DERA: variants seen among roughly 807,000 people sequenced by gnomAD.
DERA encodes the protein deoxyribose-phosphate aldolase.
Under a neutral mutation model 41.1 loss-of-function variants are expected in DERA, and 15 were observed. The ratio of observed to expected loss-of-function variants is 0.37; its 90% CI spans 0.24 to 0.56. The LOEUF (loss-of-function observed/expected upper bound fraction) is 0.56, where lower values mean the gene tolerates loss of function less well. Ranked by LOEUF, DERA falls within the 20% of genes least tolerant of loss-of-function variation. The probability of loss-of-function intolerance (pLI) is 0.81; values close to 1 mark genes in which losing one functional copy is unlikely to be tolerated. For missense variants in DERA, 396 were observed against 403.4 expected (o/e 0.98, Z 0.16); for synonymous variants, 139 against 137.4 (o/e 1.01, Z -0.08).
rs553926060 is a variant in DERA at position 15,938,618 on chromosome 12, A to G, written c.32-18318A>G. ...TTAAAATTGAGAAAATATTTTCTCT[A>G]TAAGTGTTGAGATACTTGGTAAATT... On this transcript the variant is annotated intron_variant, in intron 1 of 8. Coordinates refer to ENST00000428559, the MANE Select transcript of DERA (RefSeq NM_015954.4). The surrounding 1 kb of genome is among the most constrained non-coding windows in gnomAD (Gnocchi z 4.1). 1.6e-4 allele frequency among the ~76,000 whole-genome samples: 24 copies of G among 152,328 alleles called. No individual in the cohort carries two copies. Among genetic ancestry groups the G allele is most frequent in the East Asian group, 1.9e-4 (1 of 5,182 alleles).
rs951942857 is a variant in DERA at position 15,982,299 on chromosome 12, C to T, written c.509-9C>T. 1.2e-6 allele frequency: 2 copies of T among 1,603,768 alleles called. No individual in the cohort carries two copies. The highest frequency in any genetic ancestry group is 1.8e-5 in the Admixed American group (1 of 56,924). On this transcript the variant is annotated splice_polypyrimidine_tract_variant and intron_variant, in intron 5 of 8. Transcript: ENST00000428559. The surrounding 1 kb of genome is among the most constrained non-coding windows in gnomAD (Gnocchi z 4.0). ...GCTTTGTAACTGCCTCAATTATTTT[C>T]TTCCCCAGCCCTGTATGATGAGATT...
chr12:15,985,777 T>C lies in DERA; in HGVS notation c.637+3341T>C, dbSNP rs1239774649. Among the ~76,000 whole-genome samples, 1 of 152,184 alleles carries C rather than the reference T, an allele frequency of 6.6e-6. No individual in the cohort carries two copies. Among genetic ancestry groups the C allele is most frequent in the African/African-American group, 2.4e-5 (1 of 41,454 alleles). On this transcript the variant is annotated intron_variant, in intron 6 of 8. Transcript: ENST00000428559. This position sits in a 1 kb window ranked among gnomAD's most constrained non-coding sequence, Gnocchi z 4.2. ...TTTTGTCTTTTGGAATTAACAGTTA[T>C]TTTGTAGCTCATTTTATGGTTGTAT... is the stretch of plus-strand genomic sequence containing the variant.
At position 16,026,594 on chromosome 12, in the gene DERA, AC is replaced by A. The variant is rs201344998; in HGVS notation, c.638-5947del. On this transcript the variant is annotated intron_variant, in intron 6 of 8. Coordinates refer to ENST00000428559, the MANE Select transcript of DERA (RefSeq NM_015954.4). This position sits in a 1 kb window ranked among gnomAD's most constrained non-coding sequence, Gnocchi z 4.4. ...TTACATAAATTGTAAATATATTTACACATTTATGTAAATATATAACATATTT... is the reference window on the plus strand; with the variant it reads ...TTACATAAATTGTAAATATATTTACAATTTATGTAAATATATAACATATTT... Among the ~76,000 whole-genome samples the A allele has an allele frequency of 6.7e-3, 1,012 of 150,266 alleles. 10 individuals carry two copies. The highest frequency in any genetic ancestry group is 0.042 in the East Asian group (218 of 5,168).
At chr12:15,939,919 C>T (rs1025486174) in intron 1 of DERA, among the ~76,000 whole-genome samples, 3 of 152,158 alleles carry the variant, frequency 2.0e-5, no homozygotes, top group Non-Finnish European at 4.4e-5. Flanking sequence ...TTGGCAATGA[C>T]AGCTTTTACT....
chr12:15,992,715 G>A lies in DERA; in HGVS notation c.637+10279G>A, dbSNP rs571801024. On this transcript the variant is annotated intron_variant, in intron 6 of 8. Transcript: ENST00000428559. This position sits in a 1 kb window ranked among gnomAD's most constrained non-coding sequence, Gnocchi z 4.3. ...TTACAGAAAAGAGAAGTGTAAAGCA[G>A]GTCAATCTACTGCTAAGGGATTTCA... Among the ~76,000 whole-genome samples the A allele has an allele frequency of 6.6e-6, 1 of 152,260 alleles. No homozygotes were observed. Among genetic ancestry groups the A allele is most frequent in the South Asian group, 2.1e-4 (1 of 4,822 alleles).
chr12:16,030,219 A>C (rs919415862), intron 6 of DERA, among the ~76,000 whole-genome samples: 3 of 151,690 alleles, frequency 2.0e-5, no homozygotes, highest in Non-Finnish European at 4.4e-5. Context: ...GTTGTGAGCC[A>C]CCACGTCCAG....
Position 16,021,932 on chromosome 12 carries a change from T to G in DERA, c.638-10610T>G, listed in dbSNP as rs1338021038. On this transcript the variant is annotated intron_variant, in intron 6 of 8. Coordinates refer to ENST00000428559, the MANE Select transcript of DERA (RefSeq NM_015954.4). This position sits in a 1 kb window ranked among gnomAD's most constrained non-coding sequence, Gnocchi z 5.3. ...CATCTCCAGATAAGACTTTGGACTTTAGACTTTGGCATTTTTGAGCTAAGG... is the reference window on the plus strand; with the variant it reads ...CATCTCCAGATAAGACTTTGGACTTGAGACTTTGGCATTTTTGAGCTAAGG... Among the ~76,000 whole-genome samples, 1 of 152,314 alleles carries G rather than the reference T, an allele frequency of 6.6e-6. No homozygotes were observed. Among genetic ancestry groups the G allele is most frequent in the East Asian group, 1.9e-4 (1 of 5,178 alleles).
chr12:16,026,839 G>C lies in DERA; in HGVS notation c.638-5703G>C, dbSNP rs1363425248. 6.6e-6 allele frequency among the ~76,000 whole-genome samples: 1 copy of C among 151,942 alleles called. No homozygotes were observed. Among genetic ancestry groups the C allele is most frequent in the Non-Finnish European group, 1.5e-5 (1 of 67,978 alleles). On this transcript the variant is annotated intron_variant, in intron 6 of 8. Coordinates refer to ENST00000428559, the MANE Select transcript of DERA (RefSeq NM_015954.4). The surrounding 1 kb of genome is among the most constrained non-coding windows in gnomAD (Gnocchi z 4.4). Reference sequence around the variant, plus strand: ...CTCCAAAACCATTACTCCAAAACCAGATAAAGACACTGCCAGAAAGAAAAC... The same window carrying C: ...CTCCAAAACCATTACTCCAAAACCACATAAAGACACTGCCAGAAAGAAAAC...
rs932250727 is a variant in DERA at position 15,965,331 on chromosome 12, T to C, written c.508+2384T>C. On this transcript the variant is annotated intron_variant, in intron 5 of 8. Coordinates refer to ENST00000428559, the MANE Select transcript of DERA (RefSeq NM_015954.4). This position sits in a 1 kb window ranked among gnomAD's most constrained non-coding sequence, Gnocchi z 4.1. The stretch of plus-strand genomic sequence containing the variant: ...TAAGTTCTGGGGTACATGTGCAGAA[T>C]GTGCAGGTTTGTTGCATAGGTAAAC... 6.6e-6 allele frequency among the ~76,000 whole-genome samples: 1 copy of C among 152,172 alleles called. No homozygotes were observed. Among genetic ancestry groups the C allele is most frequent in the African/African-American group, 2.4e-5 (1 of 41,454 alleles).
chr12:15,949,764 C>A (rs1948482960), intron 1 of DERA, among the ~76,000 whole-genome samples: 1 of 152,204 alleles, frequency 6.6e-6, no homozygotes, highest in Non-Finnish European at 1.5e-5. Flanking sequence ...GTTGGAAATG[C>A]AGAAATCACC....
rs1027770578 is a variant in DERA, at chr12:15,976,122, A to G, written c.509-6186A>G. ...CTTACAACTTCACACTATAACCTCT[A>G]TTACACTCCAGCATTGCATGGTTTA... On this transcript the variant is annotated intron_variant, in intron 5 of 8. Coordinates refer to ENST00000428559, the MANE Select transcript of DERA (RefSeq NM_015954.4). The surrounding 1 kb of genome is among the most constrained non-coding windows in gnomAD (Gnocchi z 4.1). Among the ~76,000 whole-genome samples, 1 of 152,052 alleles carries G rather than the reference A, an allele frequency of 6.6e-6. No homozygotes were observed. The highest frequency in any genetic ancestry group is 1.5e-5 in the Non-Finnish European group (1 of 68,004).
rs1202664112 is a variant in DERA at position 16,021,386 on chromosome 12, A to G, written c.638-11156A>G. Among the ~76,000 whole-genome samples the G allele has an allele frequency of 6.6e-6, 1 of 152,242 alleles. No individual in the cohort carries two copies. The highest frequency in any genetic ancestry group is 1.5e-5 in the Non-Finnish European group (1 of 68,040). On this transcript the variant is annotated intron_variant, in intron 6 of 8. Transcript: ENST00000428559. This position sits in a 1 kb window ranked among gnomAD's most constrained non-coding sequence, Gnocchi z 5.3. ...TATGTGATGTTAAGCCTTGAGGTTC[A>G]TGGAATGCAAGAGTGAAGGGGGTCT...
rs1948400575 is a variant in DERA at position 15,940,446 on chromosome 12, G to C, written c.32-16490G>C. On this transcript the variant is annotated intron_variant, in intron 1 of 8. Transcript: ENST00000428559. The surrounding 1 kb of genome is among the most constrained non-coding windows in gnomAD (Gnocchi z 5.1). ...GGCTCACTGCAACCTCCACCTCCCG[G>C]GTTCAAACGATTCTTCTGCCTCAGC... Among the ~76,000 whole-genome samples the C allele has an allele frequency of 6.6e-6, 1 of 152,026 alleles. No individual in the cohort carries two copies. The highest frequency in any genetic ancestry group is 2.1e-4 in the South Asian group (1 of 4,816).
At chr12:16,023,694 G>A (rs1949034310) in intron 6 of DERA, among the ~76,000 whole-genome samples, 1 of 151,780 alleles carries the variant, frequency 6.6e-6, no homozygotes, top group South Asian at 2.1e-4. Context: ...AGCCGGGATG[G>A]TCTCGATCTC....
Position 15,992,117 on chromosome 12 carries a change from A to G in DERA, c.637+9681A>G, listed in dbSNP as rs1400055348. Among the ~76,000 whole-genome samples, 1 of 151,206 alleles carries G rather than the reference A, an allele frequency of 6.6e-6. No homozygotes were observed. Among genetic ancestry groups the G allele is most frequent in the Non-Finnish European group, 1.5e-5 (1 of 67,828 alleles). ...TGCTCTTCCCTGGGCTAAGGACCAC[A>G]CCTTCCTTAACTTTATTCCTCTGCG... is the stretch of plus-strand genomic sequence containing the variant. On this transcript the variant is annotated intron_variant, in intron 6 of 8. Coordinates refer to ENST00000428559, the MANE Select transcript of DERA (RefSeq NM_015954.4). The surrounding 1 kb of genome is among the most constrained non-coding windows in gnomAD (Gnocchi z 4.3).
chr12:16,022,353 A>G lies in DERA; in HGVS notation c.638-10189A>G, dbSNP rs549849770. On this transcript the variant is annotated intron_variant, in intron 6 of 8. Coordinates refer to ENST00000428559, the MANE Select transcript of DERA (RefSeq NM_015954.4). Reference sequence around the variant, plus strand: ...CTTACCAGGAGCCAATCCTGATACAACACTTCTTGTACAGCCTGAAGAACT... The same window carrying G: ...CTTACCAGGAGCCAATCCTGATACAGCACTTCTTGTACAGCCTGAAGAACT... Among the ~76,000 whole-genome samples the G allele has an allele frequency of 9.8e-5, 15 of 152,302 alleles. No individual in the cohort carries two copies. The South Asian group carries it at 2.9e-3, about 29-fold the overall frequency.
chr12:15,977,235 CTG>C (rs1205678412), intron 5 of DERA, among the ~76,000 whole-genome samples: 1 of 152,112 alleles, frequency 6.6e-6, no homozygotes, highest in Non-Finnish European at 1.5e-5. Context: ...TTTGACGAAT[CTG>C]TTGCTCGAAG....
At position 16,036,918 on chromosome 12, in the gene DERA, G is replaced by T. The variant is rs892774141; in HGVS notation, c.*172G>T. 3.6e-5 allele frequency: 21 copies of T among 588,268 alleles called. No individual in the cohort carries two copies. Among genetic ancestry groups the T allele is most frequent in the Non-Finnish European group, 5.7e-5 (19 of 333,926 alleles). The allele number at this position is 588,268 out of a possible 1,614,324, so 36.4% of individuals were successfully genotyped here. Reference sequence around the variant, plus strand: ...GAAAAAGCAAACTCATCCACATGTGGTACTCATTTCAGGCACATCTGAAAT... The same window carrying T: ...GAAAAAGCAAACTCATCCACATGTGTTACTCATTTCAGGCACATCTGAAAT... On this transcript the variant is annotated 3_prime_UTR_variant, in exon 9 of 9. Coordinates refer to ENST00000428559, the MANE Select transcript of DERA (RefSeq NM_015954.4). The surrounding 1 kb of genome is among the most constrained non-coding windows in gnomAD (Gnocchi z 4.9).
intron 6 of DERA, among the ~76,000 whole-genome samples, chr12:16,007,411 T>C (rs1948919679): frequency 6.6e-6 from 1 of 152,228 alleles, no homozygotes; most frequent in Non-Finnish European, 1.5e-5. Context: ...CTTGAACTCC[T>C]GGCTCCTAGC....
Sources: gnomAD v4.1 joint callset for allele counts (sites outside exome capture counted in the v4.1 genomes callset) on GRCh38, gnomAD v4.1.1 for gene constraint, Gnocchi (gnomAD v3.1) non-coding constraint, MANE v1.5 for transcripts, NCBI Gene and HGNC (gene_info 2026-07-23, HGNC 2026-07-21) for gene names.